TRPS1: variants seen among roughly 807,000 people sequenced by gnomAD.
TRPS1 encodes transcriptional repressor GATA binding 1, also known as zinc finger transcription factor Trps1.
A neutral mutation model predicts 101.2 loss-of-function variants in TRPS1; 6 were observed. That is an observed-to-expected ratio of 0.06 (90% CI 0.03 to 0.12). The LOEUF (loss-of-function observed/expected upper bound fraction) is 0.12, where lower values mean the gene tolerates loss of function less well. Among genes scored for constraint, TRPS1 ranks in the 10% least tolerant of loss-of-function variants. The pLI, the probability that TRPS1 is intolerant of heterozygous loss-of-function variation, is 1.00. For missense variants in TRPS1, 1,363 were observed against 1,567.0 expected (o/e 0.87, Z 2.20); for synonymous variants, 578 against 589.8 (o/e 0.98, Z 0.29).
chr8:115,578,249 A>T (rs907523665), intron 5 of TRPS1, among the ~76,000 whole-genome samples: 1 of 152,156 alleles, frequency 6.6e-6, no homozygotes, highest in Non-Finnish European at 1.5e-5. Context: ...TTAATCCTTA[A>T]ATATTTCTAG....
At chr8:115,427,419 CTAGTCTCAT>C (rs2129811762) in intron 5 of TRPS1, among the ~76,000 whole-genome samples, 1 of 152,144 alleles carries the variant, frequency 6.6e-6, no homozygotes, top group Non-Finnish European at 1.5e-5. Flanking sequence ...TATGATAGGC[CTAGTCTCAT>C]TATCTGATAT....
chr8:115,481,265 A>T (rs1244431283), intron 5 of TRPS1, among the ~76,000 whole-genome samples: 2 of 152,262 alleles, frequency 1.3e-5, no homozygotes, highest in African/African-American at 4.8e-5. Context: ...TTAAGAAGCA[A>T]ACGCAAACTA....
At chr8:115,500,323 C>T (rs547333646) in intron 5 of TRPS1, among the ~76,000 whole-genome samples, 128 of 152,098 alleles carry the variant, frequency 8.4e-4, no homozygotes, top group South Asian at 1.7e-3. Context: ...GCACCGTGCC[C>T]GGCCTATTTC....
At chr8:115,415,919 CATAA>C (rs1812908666) in intron 6 of TRPS1, among the ~76,000 whole-genome samples, 1 of 151,950 alleles carries the variant, frequency 6.6e-6, no homozygotes, top group South Asian at 2.1e-4. Flanking sequence ...AATATCAGAG[CATAA>C]ATAATCAAAG....
rs190094661 is a variant in TRPS1 at position 115,640,281 on chromosome 8, G to C, written c.-121-16523C>G. ...CTAATATCCATCTATATGTTAATTGGTAAAAGAGACACAGGTTCATTATGG... is the reference window on the plus strand; with the variant it reads ...CTAATATCCATCTATATGTTAATTGCTAAAAGAGACACAGGTTCATTATGG... On this transcript the variant is annotated intron_variant, in intron 1 of 6. Transcript: ENST00000395715. 3.9e-5 allele frequency among the ~76,000 whole-genome samples: 6 copies of C among 152,114 alleles called. No individual in the cohort carries two copies. In the East Asian group the frequency reaches 1.2e-3, roughly 29 times the overall value.
intron 5 of TRPS1, among the ~76,000 whole-genome samples, chr8:115,537,652 A>T (rs1816354748): frequency 1.3e-5 from 2 of 152,224 alleles, no homozygotes; most frequent in African/African-American, 4.8e-5. Context: ...TCCAAAATAA[A>T]TTTTTAACTT....
chr8:115,604,465 T>C lies in TRPS1; in HGVS notation c.1504A>G (p.Ser502Gly), dbSNP rs760773019. The change falls in exon 4 of 7, where the codon AGT becomes GGT. Residue 502 changes from serine (S) to glycine (G), a missense_variant. Transcript: ENST00000395715. This position sits in a 1 kb window ranked among gnomAD's most constrained non-coding sequence, Gnocchi z 4.1. ...TTGGTCATTGTCTCTCCTTCTGAAC[T>C]TTTGGCTAGATCATTCTGATTAATG... ...SVINQNDLAK[S>G]SEGETMTKTD... The C allele has an allele frequency of 1.2e-6, 2 of 1,614,102 alleles. No individual in the cohort carries two copies. The highest frequency in any genetic ancestry group is 1.7e-6 in the Non-Finnish European group (2 of 1,179,978).
Position 115,619,439 on chromosome 8 carries a change from T to A in TRPS1, c.659A>T (p.Asn220Ile). ...LNKSKTDLLV[N>I]DNPDPAPLSP... is the part of the protein sequence containing the mutation. Reference sequence around the variant, plus strand: ...CAGAGGTGCCGGGTCTGGGTTGTCATTCACCAGTAAGTCAGTTTTGGATTT... The same window carrying A: ...CAGAGGTGCCGGGTCTGGGTTGTCAATCACCAGTAAGTCAGTTTTGGATTT... Residue 220 changes from asparagine (N) to isoleucine (I), a missense_variant, in exon 3 of 7, where the codon AAT (asparagine) becomes ATT (isoleucine). Physicochemically the swap from Asn to Ile is moderately radical, Grantham distance 149 (BLOSUM62 -3). Around this residue, in one of 5 missense-constraint regions of TRPS1, gnomAD observed 1,020 missense variants for 1,073.0 expected, o/e 0.95. Coordinates refer to ENST00000395715, the MANE Select transcript of TRPS1 (RefSeq NM_014112.5). 1 of 1,614,214 alleles carries A rather than the reference T, an allele frequency of 6.2e-7. No individual in the cohort carries two copies. Among genetic ancestry groups the A allele is most frequent in the Non-Finnish European group, 8.5e-7 (1 of 1,180,024 alleles).
At chr8:115,607,508 C>T (rs987501066) in intron 3 of TRPS1, among the ~76,000 whole-genome samples, 3 of 150,958 alleles carry the variant, frequency 2.0e-5, no homozygotes, top group Non-Finnish European at 2.9e-5. Context: ...TTTAATTATG[C>T]TGAAGAATGA....
chr8:115,647,026 T>C (rs1427883418), intron 1 of TRPS1, among the ~76,000 whole-genome samples: 1 of 152,118 alleles, frequency 6.6e-6, no homozygotes, highest in Non-Finnish European at 1.5e-5. Context: ...TATTTTAAAA[T>C]TAACGAAGAA....
intron 5 of TRPS1, among the ~76,000 whole-genome samples, chr8:115,585,982 A>C (rs1418179131): frequency 6.6e-6 from 1 of 152,244 alleles, no homozygotes; most frequent in Non-Finnish European, 1.5e-5. Context: ...AGCCAAGCAG[A>C]CATTGGGAAG....
chr8:115,589,137 A>G (rs1817629097), intron 4 of TRPS1, among the ~76,000 whole-genome samples: 1 of 152,230 alleles, frequency 6.6e-6, no homozygotes, highest in African/African-American at 2.4e-5. Flanking sequence ...AGTCTGAGAC[A>G]CTGAAAAGAG....
At chr8:115,478,994 T>A (rs551449542) in intron 5 of TRPS1, among the ~76,000 whole-genome samples, 1 of 150,296 alleles carries the variant, frequency 6.7e-6, no homozygotes, top group African/African-American at 2.4e-5. Flanking sequence ...TATATATGTA[T>A]TTACATATTA....
intron 5 of TRPS1, among the ~76,000 whole-genome samples, chr8:115,572,646 T>C (rs945977949): frequency 6.6e-6 from 1 of 152,334 alleles, no homozygotes; most frequent in South Asian, 2.1e-4. Flanking sequence ...TCAGTTTATA[T>C]TCAATTATTA....
intron 4 of TRPS1, among the ~76,000 whole-genome samples, chr8:115,597,911 C>T (rs150573031): frequency 6.6e-6 from 1 of 152,056 alleles, no homozygotes. Flanking sequence ...TAAGTCTATT[C>T]TTTTCTTTTG....
intron 5 of TRPS1, among the ~76,000 whole-genome samples, chr8:115,543,648 G>T (rs76447203): frequency 1.3e-5 from 2 of 152,032 alleles, no homozygotes; most frequent in African/African-American, 4.8e-5. Flanking sequence ...TAACTTTAGC[G>T]ATTTGTTTAA....
chr8:115,627,479 C>T (rs1048401371), intron 1 of TRPS1, among the ~76,000 whole-genome samples: 9 of 151,718 alleles, frequency 5.9e-5, no homozygotes, highest in Admixed American at 2.0e-4. Flanking sequence ...GGCAAAGAGC[C>T]AAGCACAGCA....
At chr8:115,435,055 TTAA>T (rs1378625734) in intron 5 of TRPS1, among the ~76,000 whole-genome samples, 1 of 152,188 alleles carries the variant, frequency 6.6e-6, no homozygotes, top group Non-Finnish European at 1.5e-5. Context: ...TTAACAGCAT[TTAA>T]TACAAGTGCT....
At chr8:115,419,022 G>C (rs1236874785) in intron 5 of TRPS1, among the ~76,000 whole-genome samples, 1 of 152,170 alleles carries the variant, frequency 6.6e-6, no homozygotes, top group Non-Finnish European at 1.5e-5. Flanking sequence ...TCAAACGTGA[G>C]AGGGTTTGTA....
Sources: allele counts gnomAD v4.1 joint callset (sites outside exome capture counted in the v4.1 genomes callset), GRCh38; gene constraint gnomAD v4.1.1; regional missense constraint gnomAD v4.1.1; non-coding constraint Gnocchi (gnomAD v3.1); transcripts MANE v1.5; gene names NCBI Gene and HGNC (gene_info 2026-07-23, HGNC 2026-07-21).